The following ODF2 variants were observed in gnomAD, a reference collection of about 807,000 sequenced individuals.
The protein encoded by ODF2 is outer dense fiber of sperm tails 2, also known as outer dense fiber protein 2.
ODF2 carries 47 observed loss-of-function variants against 110.2 expected under a neutral mutation model. The observed-to-expected ratio is 0.43, with a 90% CI of 0.34 to 0.54. ODF2 has a LOEUF of 0.54. Among genes scored for constraint, ODF2 ranks in the 20% least tolerant of loss-of-function variants. The pLI is 0.03. For synonymous variants in ODF2, 352 were observed against 397.7 expected, an observed-to-expected ratio of 0.89 and a Z score of 1.37; for missense variants, 812 against 1,054.5, an observed-to-expected ratio of 0.77 and a Z score of 3.19.
chr9:128,483,833 C>T, intron 10 of ODF2, 105 bp from the exon 11 acceptor site: 1 of 785,320 alleles, frequency 1.3e-6, no homozygotes, highest in South Asian at 1.4e-5. Context: ...TTGCAGTGAG[C>T]TGAGATTGCG....
chr9:128,474,521 TGTG>T (rs1840818957), intron 8 of ODF2, among the ~76,000 whole-genome samples: 1 of 148,000 alleles, frequency 6.8e-6, no homozygotes, highest in Non-Finnish European at 1.5e-5. Flanking sequence ...GTCAGCCAGG[TGTG>T]GTGGCAGGCG....
intron 4 of ODF2, among the ~76,000 whole-genome samples, chr9:128,466,705 T>C (rs911915743): frequency 1.3e-5 from 2 of 149,218 alleles, no homozygotes; most frequent in South Asian, 2.1e-4. Flanking sequence ...TGGCCGGGCG[T>C]GGTGGCTCAC....
At chr9:128,459,242 A>T (rs951019680) in intron 2 of ODF2, among the ~76,000 whole-genome samples, 1 of 152,232 alleles carries the variant, frequency 6.6e-6, no homozygotes, top group African/African-American at 2.4e-5. Context: ...TGGCCAAACC[A>T]GCACATTGGC....
chr9:128,484,081 A>C, intron 11 of ODF2, 27 bp downstream of exon 11: 1 of 1,510,254 alleles, frequency 6.6e-7, no homozygotes, highest in Non-Finnish European at 9.1e-7. Flanking sequence ...CAAGTGGGGA[A>C]AGAGGAGGCA....
At chr9:128,498,139 T>C (rs994831044) in intron 18 of ODF2, 3 of 289,766 alleles carry the variant, frequency 1.0e-5, no homozygotes, top group African/African-American at 6.5e-5. Context: ...AGCTGCAAGT[T>C]GCTGTGTTCC....
intron 4 of ODF2, among the ~76,000 whole-genome samples, chr9:128,462,630 C>T (rs1430305394): frequency 1.3e-5 from 2 of 148,764 alleles, no homozygotes. Flanking sequence ...GACGGAGTCT[C>T]GCTCTGTCAC....
At chr9:128,466,506 A>T (rs1837950344) in intron 4 of ODF2, among the ~76,000 whole-genome samples, 3 of 150,718 alleles carry the variant, frequency 2.0e-5, no homozygotes, top group African/African-American at 7.3e-5. Flanking sequence ...ATGTACACCC[A>T]TCAGAAGTGT....
exon 14 of ODF2, chr9:128,487,951 G>A: frequency 6.2e-7 from 1 of 1,614,044 alleles, no homozygotes; most frequent in Non-Finnish European, 8.5e-7. Context: ...GGAAGACCGG[G>A]ATAGCCTGGT....
At chr9:128,495,951 T>C in intron 17 of ODF2, 90 bp from the exon 18 acceptor site, 1 of 1,501,714 alleles carries the variant, frequency 6.7e-7, no homozygotes, top group Non-Finnish European at 9.1e-7. Flanking sequence ...CTGTGCCCCT[T>C]TCCTGGGTGT....
chr9:128,481,524 A>C, intron 8 of ODF2, 56 bp from the exon 9 acceptor site: 5 of 1,282,590 alleles, frequency 3.9e-6, no homozygotes, highest in Non-Finnish European at 5.5e-6. Flanking sequence ...AATAAAATGT[A>C]GACATCTGGG....
intron 7 of ODF2, chr9:128,473,377 A>G (rs1840504618): frequency 1.5e-6 from 1 of 660,450 alleles, no homozygotes; most frequent in South Asian, 6.7e-5. Flanking sequence ...GACTGTGCTC[A>G]CCCACACTGA....
chr9:128,456,748 CCTCGCCCGGCGGGGGGGGGT>C, intron 1 of ODF2: 2 of 968,396 alleles, frequency 2.1e-6, no homozygotes, highest in South Asian at 9.6e-5. Context: ...TTGCCAGGGC[CCTCGCCCGGCGGGGGGGGGT>C]CCCGCCCGCC....
In ODF2 at chr9:128,494,600, G is replaced by T; in HGVS notation, c.1843G>T (p.Asp615Tyr). 6.2e-7 allele frequency: 1 copy of T among 1,614,178 alleles called. No individual in the cohort carries two copies. The highest frequency in any genetic ancestry group is 2.2e-5 in the East Asian group (1 of 44,878). ...GGAGGCGAAGCTGGCTGAGTGCCAA[G>T]ACCAACTGCAGGGCTATGAGCGGAA... Residue 615 changes from aspartate to tyrosine, a missense_variant, in exon 17 of 21, where the codon GAC becomes TAC. Physicochemically the swap from Asp to Tyr is radical, Grantham distance 160. Transcript: ENST00000604420. The surrounding 1 kb of genome is among the most constrained non-coding windows in gnomAD (Gnocchi z 4.6).
At chr9:128,490,823 T>G (rs1165591452) in intron 14 of ODF2, among the ~76,000 whole-genome samples, 3 of 152,224 alleles carry the variant, frequency 2.0e-5, no homozygotes, top group Non-Finnish European at 2.9e-5. Flanking sequence ...TTGAGCTTTA[T>G]CTCTCTTTTA....
intron 20 of ODF2, 144 bp downstream of exon 20, chr9:128,499,270 G>A (rs1846167219): frequency 2.1e-6 from 2 of 961,664 alleles, no homozygotes; most frequent in East Asian, 5.3e-5. Context: ...TATCCCTTAA[G>A]GATATCCTGG....
At chr9:128,486,637 A>G (rs1473292000) in intron 13 of ODF2, among the ~76,000 whole-genome samples, 1 of 152,168 alleles carries the variant, frequency 6.6e-6, no homozygotes, top group Non-Finnish European at 1.5e-5. Flanking sequence ...TCTTTGACTG[A>G]TGATGGCCTT....
intron 8 of ODF2, among the ~76,000 whole-genome samples, chr9:128,474,982 T>C (rs528239693): frequency 6.6e-6 from 1 of 152,162 alleles, no homozygotes; most frequent in Admixed American, 6.5e-5. Context: ...AAAAAAGTTG[T>C]CTGAACTTTA....
intron 16 of ODF2, among the ~76,000 whole-genome samples, chr9:128,493,733 T>C (rs533397666): frequency 6.3e-4 from 96 of 152,350 alleles, no homozygotes; most frequent in African/African-American, 2.2e-3. Context: ...TATTTCTCCC[T>C]TTCCCTCTGA....
At chr9:128,497,358 C>CG (rs1365249328) in intron 18 of ODF2, 4 of 131,286 alleles carry the variant, frequency 3.0e-5, no homozygotes, top group Non-Finnish European at 6.2e-5. Context: ...GAGGCCGAGG[C>CG]GGGCGGATCA....
Sources: allele counts gnomAD v4.1 joint callset (sites outside exome capture counted in the v4.1 genomes callset), GRCh38; gene constraint gnomAD v4.1.1; non-coding constraint Gnocchi (gnomAD v3.1); transcripts MANE v1.5; gene names NCBI Gene and HGNC (gene_info 2026-07-23, HGNC 2026-07-21).